XPR1: variants seen among roughly 807,000 people sequenced by gnomAD.
XPR1 encodes xenotropic and polytropic retrovirus receptor 1.
Under a neutral mutation model 87.5 loss-of-function variants are expected in XPR1, and 28 were observed. The observed-to-expected ratio is 0.32, with a 90% CI of 0.24 to 0.44. The LOEUF (loss-of-function observed/expected upper bound fraction) is 0.44. Among genes scored for constraint, XPR1 ranks in the 20% least tolerant of loss-of-function variants. The pLI, the probability that XPR1 is intolerant of heterozygous loss-of-function variation, is 1.00. For synonymous variants in XPR1, 300 were observed against 306.1 expected, an observed-to-expected ratio of 0.98 and a Z score of 0.21; for missense variants, 559 against 862.3, an observed-to-expected ratio of 0.65 and a Z score of 4.41.
intron 2 of XPR1, among the ~76,000 whole-genome samples, chr1:180,736,851 A>T (rs1023152288): frequency 1.3e-5 from 2 of 152,154 alleles, no homozygotes; most frequent in Non-Finnish European, 2.9e-5. Flanking sequence ...TTTACCCCCA[A>T]GGCTGAGGGA....
intron 2 of XPR1, among the ~76,000 whole-genome samples, chr1:180,685,274 A>G (rs1434704177): frequency 2.0e-5 from 3 of 152,120 alleles, no homozygotes; most frequent in Non-Finnish European, 1.5e-5. Flanking sequence ...TTCTGTTTAT[A>G]TGTTGGATTA....
intron 1 of XPR1, among the ~76,000 whole-genome samples, chr1:180,657,277 G>C (rs1036552655): frequency 3.9e-5 from 6 of 151,902 alleles, no homozygotes; most frequent in Non-Finnish European, 8.8e-5. Flanking sequence ...TTCCTTTGCT[G>C]TGCAGAAGAT....
intron 7 of XPR1, among the ~76,000 whole-genome samples, chr1:180,815,959 G>A (rs564763519): frequency 2.4e-4 from 37 of 152,224 alleles, no homozygotes; most frequent in African/African-American, 8.9e-4. Context: ...TATGCTAGGA[G>A]GATAGTCATT....
At chr1:180,662,864 G>A (rs2101920964) in intron 1 of XPR1, among the ~76,000 whole-genome samples, 1 of 152,050 alleles carries the variant, frequency 6.6e-6, no homozygotes. Flanking sequence ...CAAATAGCCT[G>A]TCTTTAAGCT....
At chr1:180,720,417 A>AG (rs1165216133) in intron 2 of XPR1, among the ~76,000 whole-genome samples, 1 of 152,170 alleles carries the variant, frequency 6.6e-6, no homozygotes, top group Non-Finnish European at 1.5e-5. Flanking sequence ...AAAAGACTTG[A>AG]GGAAATAGGT....
At chr1:180,816,921 A>T (rs1650431238) in intron 7 of XPR1, among the ~76,000 whole-genome samples, 1 of 152,206 alleles carries the variant, frequency 6.6e-6, no homozygotes, top group Non-Finnish European at 1.5e-5. Flanking sequence ...GGTGTTCCAG[A>T]AGAAGGCATT....
intron 2 of XPR1, among the ~76,000 whole-genome samples, chr1:180,741,505 A>G (rs964734390): frequency 1.3e-5 from 2 of 151,728 alleles, no homozygotes; most frequent in Non-Finnish European, 2.9e-5. Flanking sequence ...TTGTTTTTTT[A>G]GATAGAGTCT....
At chr1:180,656,403 AT>A (rs1163064469) in intron 1 of XPR1, among the ~76,000 whole-genome samples, 18 of 48,002 alleles carry the variant, frequency 3.7e-4, no homozygotes, top group African/African-American at 1.3e-3. Flanking sequence ...ATATATAAAT[AT>A]TTATATATTT....
At chr1:180,668,705 T>G (rs1313081586) in intron 1 of XPR1, among the ~76,000 whole-genome samples, 1 of 152,232 alleles carries the variant, frequency 6.6e-6, no homozygotes, top group Non-Finnish European at 1.5e-5. Flanking sequence ...CATAATTTTG[T>G]GAATTTTCAA....
At chr1:180,732,740 A>G (rs191490355) in intron 2 of XPR1, among the ~76,000 whole-genome samples, 113 of 152,320 alleles carry the variant, frequency 7.4e-4, no homozygotes, top group Middle Eastern at 3.4e-3. Context: ...TTTGATGTCT[A>G]TAGGCGGCTT....
At chr1:180,846,454 T>C (rs911416238) in intron 11 of XPR1, among the ~76,000 whole-genome samples, 2 of 151,452 alleles carry the variant, frequency 1.3e-5, no homozygotes, top group Admixed American at 6.6e-5. Context: ...TATTTATTTT[T>C]TTTTTGAGAT....
At chr1:180,800,787 T>A (rs1649751774) in intron 3 of XPR1, among the ~76,000 whole-genome samples, 1 of 152,182 alleles carries the variant, frequency 6.6e-6, no homozygotes, top group Non-Finnish European at 1.5e-5. Flanking sequence ...TAGAGGAAGA[T>A]CTACAGTATA....
chr1:180,645,002 CCTG>C, intron 1 of XPR1, among the ~76,000 whole-genome samples: 1 of 152,146 alleles, frequency 6.6e-6, no homozygotes, highest in African/African-American at 2.4e-5. Flanking sequence ...TTGCAGAAAA[CCTG>C]CTTCACAAAG....
At chr1:180,675,370 A>G (rs1285514534) in intron 1 of XPR1, among the ~76,000 whole-genome samples, 2 of 152,204 alleles carry the variant, frequency 1.3e-5, no homozygotes, top group African/African-American at 4.8e-5. Context: ...TTTACATAAG[A>G]TAAGGATAAC....
chr1:180,808,784 C>T (rs1650094691), intron 6 of XPR1, among the ~76,000 whole-genome samples: 1 of 152,134 alleles, frequency 6.6e-6, no homozygotes, highest in East Asian at 1.9e-4. Context: ...AAAGACTAAT[C>T]ATACTAATGA....
chr1:180,726,313 A>G (rs1047838068), intron 2 of XPR1, among the ~76,000 whole-genome samples: 1 of 152,160 alleles, frequency 6.6e-6, no homozygotes, highest in African/African-American at 2.4e-5. Context: ...CAGCAGCGCA[A>G]CCTGCTTGGG....
rs1400180602 is a variant in XPR1 at position 180,886,206 on chromosome 1, C to G, written c.*2140C>G. The G allele has an allele frequency of 6.6e-6, 1 of 152,108 alleles. No homozygotes were observed. The highest frequency in any genetic ancestry group is 1.5e-5 in the Non-Finnish European group (1 of 68,010). 9.4% of individuals were successfully genotyped at this position (152,108 alleles called of 1,614,324 possible). On this transcript the variant is annotated 3_prime_UTR_variant, in exon 15 of 15. Transcript: ENST00000367590. ...TTGAGATTTTTTTCCCCTAACTATT[C>G]TGTTTTTTGTACTTTAAAACTATGG...
chr1:180,873,925 C>T lies in XPR1; in HGVS notation c.1791C>T (p.Ala597=). 3 of 1,613,202 alleles carry T rather than the reference C, an allele frequency of 1.9e-6. No individual in the cohort carries two copies. Among genetic ancestry groups the T allele is most frequent in the Non-Finnish European group, 2.5e-6 (3 of 1,179,742 alleles). Residue 597 remains alanine, a synonymous_variant, in exon 13 of 15, where the codon GCC becomes GCT. Coordinates refer to ENST00000367590, the MANE Select transcript of XPR1 (RefSeq NM_004736.4). ...HSGDIIATVF[A]PLEVFRRFVW... is the part of the protein sequence containing the mutation. The stretch of plus-strand genomic sequence containing the variant: ...GGGACATCATTGCTACTGTCTTTGC[C>T]CCACTTGAGGTTTTCCGGTAAGCAA...
intron 1 of XPR1, among the ~76,000 whole-genome samples, chr1:180,637,495 A>G (rs896613615): frequency 2.0e-5 from 3 of 152,214 alleles, no homozygotes; most frequent in Non-Finnish European, 4.4e-5. Flanking sequence ...GATAAAAACA[A>G]TAACACTTTA....
Sources: gnomAD v4.1 joint callset for allele counts (sites outside exome capture counted in the v4.1 genomes callset) on GRCh38, gnomAD v4.1.1 for gene constraint, MANE v1.5 for transcripts, NCBI Gene and HGNC (gene_info 2026-07-23, HGNC 2026-07-21) for gene names.